QRFPR: variants seen among roughly 807,000 people sequenced by gnomAD.
The protein encoded by QRFPR is pyroglutamylated RF-amide peptide receptor.
QRFPR carries 37 observed loss-of-function variants against 31.3 expected under a neutral mutation model. The observed-to-expected ratio is 1.18, with a 90% CI of 0.91 to 1.56. The LOEUF (loss-of-function observed/expected upper bound fraction) is 1.56, where lower values mean the gene tolerates loss of function less well. Among genes scored for constraint, QRFPR ranks in the 40% most tolerant of loss-of-function variants. The probability of loss-of-function intolerance (pLI) is 0.00; values close to 1 mark genes in which losing one functional copy is unlikely to be tolerated. For synonymous variants in QRFPR, 197 were observed against 192.0 expected (o/e 1.03, Z -0.22); for missense variants, 542 against 532.5 (o/e 1.02, Z -0.18).
At chr4:121,340,375 T>A in intron 2 of QRFPR, 77 bp downstream of exon 2, 1 of 1,479,314 alleles carries the variant, frequency 6.8e-7, no homozygotes, top group South Asian at 1.2e-5. Context: ...GCTACTCTTC[T>A]AGTTTAAAAA....
chr4:121,344,063 C>G (rs983218172), intron 1 of QRFPR, among the ~76,000 whole-genome samples: 2 of 152,194 alleles, frequency 1.3e-5, no homozygotes, highest in Admixed American at 1.3e-4. Flanking sequence ...AATGGCAGCT[C>G]TTTCATCATT....
At chr4:121,353,228 T>A (rs2110475643) in intron 1 of QRFPR, among the ~76,000 whole-genome samples, 1 of 152,222 alleles carries the variant, frequency 6.6e-6, no homozygotes, top group South Asian at 2.1e-4. Flanking sequence ...TTTGGATGTA[T>A]ACTCAGCAGT....
intron 1 of QRFPR, among the ~76,000 whole-genome samples, chr4:121,360,228 G>A (rs1330685105): frequency 1.3e-5 from 2 of 152,140 alleles, no homozygotes; most frequent in Non-Finnish European, 2.9e-5. Flanking sequence ...ACACCTTTCA[G>A]TGTAATCTAA....
At chr4:121,340,340 C>A (rs2276956) in intron 2 of QRFPR, 112 bp downstream of exon 2, 413,754 of 1,146,558 alleles carry the variant, frequency 0.36, 77,510 homozygotes, top group Middle Eastern at 0.52. Flanking sequence ...AAATTATATT[C>A]CAATGCCTAC....
At chr4:121,333,698 C>T (rs910400796) in intron 3 of QRFPR, among the ~76,000 whole-genome samples, 1 of 152,142 alleles carries the variant, frequency 6.6e-6, no homozygotes, top group East Asian at 1.9e-4. Flanking sequence ...GTAGACTCAT[C>T]TTATAAGCTC....
rs369660516 is a variant in QRFPR at position 121,332,797 on chromosome 4, A to C, written c.797+24T>G. ...ACAATTAATTAAAAATAATTTAAAG[A>C]GGTGAATATTTCATTAAACAGACCT... On this transcript the variant is annotated intron_variant, in intron 4 of 5. Coordinates refer to ENST00000394427, the MANE Select transcript of QRFPR (RefSeq NM_198179.3). 1.7e-4 allele frequency: 266 copies of C among 1,525,986 alleles called. 1 individual carries two copies. The highest frequency in any genetic ancestry group is 3.5e-5 in the Non-Finnish European group (39 of 1,101,868). 94.5% of individuals were successfully genotyped at this position (1,525,986 alleles called of 1,614,324 possible).
chr4:121,375,426 G>C (rs1211792311), intron 1 of QRFPR, among the ~76,000 whole-genome samples: 7 of 152,166 alleles, frequency 4.6e-5, no homozygotes, highest in Non-Finnish European at 8.8e-5. Flanking sequence ...CAGAAACACA[G>C]CTTTCTCAAT....
At chr4:121,373,388 A>G (rs571736078) in intron 1 of QRFPR, among the ~76,000 whole-genome samples, 1 of 152,358 alleles carries the variant, frequency 6.6e-6, no homozygotes, top group South Asian at 2.1e-4. Flanking sequence ...AATTGATTCT[A>G]GGAAAGATCA....
At position 121,365,606 on chromosome 4, in the gene QRFPR, T is replaced by TATAAA. The variant is rs1345970250; in HGVS notation, c.340+14701_340+14702insTTTAT. On this transcript the variant is annotated intron_variant, in intron 1 of 5. Coordinates refer to ENST00000394427, the MANE Select transcript of QRFPR (RefSeq NM_198179.3). ...TTATATATATTATATATATATAATA[T>TATAAA]ATATATTATATATATTATATATTAT... Among the ~76,000 whole-genome samples, 2 of 6,588 alleles carry TATAAA rather than the reference T, an allele frequency of 3.0e-4. 1 individual carries two copies. The highest frequency in any genetic ancestry group is 5.5e-4 in the Non-Finnish European group (2 of 3,638). The allele number at this position is 6,588 out of a possible 152,430, so 4.3% of individuals were successfully genotyped here.
At chr4:121,352,767 A>G (rs1432434557) in intron 1 of QRFPR, among the ~76,000 whole-genome samples, 2 of 152,068 alleles carry the variant, frequency 1.3e-5, no homozygotes, top group Admixed American at 1.3e-4. Context: ...AATATACAAT[A>G]AATTATTGTT....
In QRFPR at chr4:121,364,657, A is replaced by C. The variant is rs919987611; in HGVS notation, c.340+15651T>G. 3.0e-4 allele frequency among the ~76,000 whole-genome samples: 45 copies of C among 148,998 alleles called. 8 individuals are homozygous for C. The highest frequency in any genetic ancestry group is 7.4e-5 in the Non-Finnish European group (5 of 67,286). ...TCCATCTTAAAAAAAAAAAGAAAAG[A>C]AAAAAGAAAAAGAAAACTTTTTGAA... On this transcript the variant is annotated intron_variant, in intron 1 of 5. Coordinates refer to ENST00000394427, the MANE Select transcript of QRFPR (RefSeq NM_198179.3).
chr4:121,339,401 TATC>T (rs1438356381), intron 2 of QRFPR, among the ~76,000 whole-genome samples: 1 of 152,226 alleles, frequency 6.6e-6, no homozygotes, highest in Admixed American at 6.5e-5. Flanking sequence ...ATTTACCATT[TATC>T]ATGAGGTATG....
chr4:121,332,553 T>C (rs1442699963), intron 4 of QRFPR, among the ~76,000 whole-genome samples: 1 of 152,222 alleles, frequency 6.6e-6, no homozygotes, highest in Non-Finnish European at 1.5e-5. Context: ...GCCCACAGTC[T>C]TCCTACCACA....
Position 121,380,362 on chromosome 4 carries a change from A to T in QRFPR, c.286T>A (p.Phe96Ile), listed in dbSNP as rs746212429. 6.2e-7 allele frequency: 1 copy of T among 1,614,178 alleles called. No homozygotes were observed. The highest frequency in any genetic ancestry group is 2.2e-5 in the East Asian group (1 of 44,864). ...SLALSDLLITFFCIPVTMLQN... is the reference protein window; with the variant it reads ...SLALSDLLITIFCIPVTMLQN... ...AGCATGGTGACGGGAATGCAGAAGA[A>T]GGTGATGAGCAGGTCACTGAGCGCC... The change falls in exon 1 of 6, where the codon TTC (phenylalanine) becomes ATC (isoleucine). Residue 96 changes from phenylalanine (F) to isoleucine (I), a missense_variant. Transcript: ENST00000394427.
At chr4:121,369,702 C>A in intron 1 of QRFPR, 7 of 1,587,260 alleles carry the variant, frequency 4.4e-6, no homozygotes, top group Non-Finnish European at 6.0e-6. Context: ...AAGTTTCTGT[C>A]CTTATCCCCA....
At chr4:121,350,444 T>G (rs559941448) in intron 1 of QRFPR, among the ~76,000 whole-genome samples, 1 of 152,256 alleles carries the variant, frequency 6.6e-6, no homozygotes, top group Non-Finnish European at 1.5e-5. Flanking sequence ...ACAAGTTTAG[T>G]ACTTGATTTC....
intron 3 of QRFPR, among the ~76,000 whole-genome samples, chr4:121,333,362 C>G (rs967343378): frequency 9.2e-5 from 14 of 152,118 alleles, no homozygotes; most frequent in Admixed American, 8.5e-4. Flanking sequence ...AGTTTTCAAT[C>G]GACTGAAAGA....
intron 3 of QRFPR, among the ~76,000 whole-genome samples, chr4:121,335,579 G>GC (rs1491493249): frequency 1.6e-4 from 16 of 100,030 alleles, no homozygotes; most frequent in African/African-American, 4.4e-4. Flanking sequence ...TATGGGGGGT[G>GC]GGGGGTGGGG....
intron 3 of QRFPR, among the ~76,000 whole-genome samples, chr4:121,333,710 A>G (rs1470613832): frequency 6.6e-6 from 1 of 152,208 alleles, no homozygotes; most frequent in Non-Finnish European, 1.5e-5. Flanking sequence ...TATAAGCTCA[A>G]AAGTATTATT....
Sources: gnomAD v4.1 joint callset for allele counts (sites outside exome capture counted in the v4.1 genomes callset) on GRCh38, gnomAD v4.1.1 for gene constraint, MANE v1.5 for transcripts, NCBI Gene and HGNC (gene_info 2026-07-23, HGNC 2026-07-21) for gene names.